Variants in FSHR observed in about 807,000 individuals in gnomAD.
The protein encoded by FSHR is follicle stimulating hormone receptor, also known as follicle-stimulating hormone receptor.
In FSHR, 46 loss-of-function variants were observed where a neutral mutation model predicts 52.1. The ratio of observed to expected loss-of-function variants is 0.88; its 90% CI spans 0.70 to 1.13. The LOEUF is 1.13. FSHR is among the 50% of genes most tolerant of loss of function. The probability of loss-of-function intolerance (pLI) is 0.00; values close to 1 mark genes in which losing one functional copy is unlikely to be tolerated. For missense variants in FSHR, 964 were observed against 834.6 expected, an observed-to-expected ratio of 1.16 and a Z score of -1.91; for synonymous variants, 399 against 309.6, an observed-to-expected ratio of 1.29 and a Z score of -3.03.
intron 2 of FSHR, among the ~76,000 whole-genome samples, chr2:49,024,846 C>T (rs1176479407): frequency 6.6e-6 from 1 of 152,162 alleles, no homozygotes; most frequent in African/African-American, 2.4e-5. Flanking sequence ...AAACTAAATT[C>T]AGTTGACTGT....
chr2:49,093,950 T>C (rs181701274), intron 1 of FSHR, among the ~76,000 whole-genome samples: 2 of 152,294 alleles, frequency 1.3e-5, no homozygotes, highest in Admixed American at 6.5e-5. Context: ...TAGCACATAG[T>C]TGAATATCTT....
At chr2:49,093,595 C>CCTTTTTTTTTTTTTT (rs1553344384) in intron 1 of FSHR, among the ~76,000 whole-genome samples, 1 of 132,944 alleles carries the variant, frequency 7.5e-6, no homozygotes. Context: ...TTATATTTAT[C>CCTTTTTTTTTTTTTT]TTTTTTTTTT....
At chr2:48,992,720 G>A (rs548895583) in intron 4 of FSHR, among the ~76,000 whole-genome samples, 1 of 152,062 alleles carries the variant, frequency 6.6e-6, no homozygotes, top group Admixed American at 6.6e-5. Context: ...CATCTAGAAT[G>A]CAACTTTTGG....
At chr2:49,013,288 G>A (rs909673971) in intron 4 of FSHR, among the ~76,000 whole-genome samples, 1 of 151,304 alleles carries the variant, frequency 6.6e-6, no homozygotes, top group Admixed American at 6.6e-5. Context: ...CTTAGCGTAT[G>A]GTATTTTGTT....
At position 48,973,948 on chromosome 2, in the gene FSHR, G is replaced by A. The variant is rs565633002; in HGVS notation, c.669-5065C>T. Among the ~76,000 whole-genome samples, 25 of 139,040 alleles carry A rather than the reference G, an allele frequency of 1.8e-4. No individual in the cohort carries two copies. In the South Asian group the frequency reaches 5.2e-3, roughly 29 times the overall value. 91.2% of individuals were successfully genotyped at this position (139,040 alleles called of 152,430 possible). A position where few individuals can be genotyped will look rare whatever the true frequency, so the allele number is the denominator to read the frequency against. ...AAGTGCCCTGAGAGCAGGCTTTTGT[G>A]TTCTGTATCATTTCTGGCATAGATT... On this transcript the variant is annotated intron_variant, in intron 8 of 9. Coordinates refer to ENST00000406846, the MANE Select transcript of FSHR (RefSeq NM_000145.4).
intron 9 of FSHR, among the ~76,000 whole-genome samples, chr2:48,966,801 T>A (rs527247523): frequency 3.3e-5 from 5 of 152,252 alleles, no homozygotes; most frequent in Non-Finnish European, 7.3e-5. Flanking sequence ...CAATTTTTGT[T>A]ACTCCATTTT....
intron 2 of FSHR, among the ~76,000 whole-genome samples, chr2:49,033,069 C>G (rs1198319502): frequency 6.6e-6 from 1 of 152,114 alleles, no homozygotes; most frequent in South Asian, 2.1e-4. Flanking sequence ...CAATTTTCCC[C>G]CTTTTAGGAT....
At chr2:49,125,554 GC>G (rs1671965434) in intron 1 of FSHR, among the ~76,000 whole-genome samples, 1 of 152,174 alleles carries the variant, frequency 6.6e-6, no homozygotes, top group African/African-American at 2.4e-5. Context: ...TCTGTTCTCT[GC>G]TGCATCTCCA....
intron 1 of FSHR, among the ~76,000 whole-genome samples, chr2:49,100,116 A>G (rs1347670643): frequency 1.3e-5 from 2 of 152,178 alleles, no homozygotes; most frequent in East Asian, 3.9e-4. Context: ...AACCTATTAC[A>G]TAGGTACTAT....
At position 49,066,166 on chromosome 2, in the gene FSHR, A is replaced by G. The variant is rs530201489; in HGVS notation, c.224+2053T>C. Among the ~76,000 whole-genome samples, 4 of 152,254 alleles carry G rather than the reference A, an allele frequency of 2.6e-5. No individual in the cohort carries two copies. The East Asian group carries it at 5.8e-4, about 22-fold the overall frequency. The stretch of plus-strand genomic sequence containing the variant: ...ACACAGTGGTCTTGATGGGGAAGAG[A>G]GAAGAAGGGAGCAGAATAGGAAGGT... On this transcript the variant is annotated intron_variant, in intron 2 of 9. Transcript: ENST00000406846.
At chr2:49,061,783 T>TTCATATATAACTATATAGTTATATATAG (rs1558418415) in intron 2 of FSHR, among the ~76,000 whole-genome samples, 255 of 141,974 alleles carry the variant, frequency 1.8e-3, no homozygotes, top group South Asian at 4.1e-3. Context: ...ACTCTATATA[T>TTCATATATAACTATATAGTTATATATAG]TCATATATAA....
At chr2:48,979,308 G>C (rs755219357) in intron 8 of FSHR, among the ~76,000 whole-genome samples, 2 of 152,130 alleles carry the variant, frequency 1.3e-5, no homozygotes, top group Non-Finnish European at 2.9e-5. Context: ...AGGTGTGGTG[G>C]TGCACGCTTG....
chr2:49,084,044 T>A (rs1031373854), intron 1 of FSHR, among the ~76,000 whole-genome samples: 1 of 151,294 alleles, frequency 6.6e-6, no homozygotes, highest in African/African-American at 2.4e-5. Flanking sequence ...GAATATACAT[T>A]TTTTTCAGCA....
At chr2:49,115,891 C>G (rs1330424117) in intron 1 of FSHR, among the ~76,000 whole-genome samples, 1 of 152,086 alleles carries the variant, frequency 6.6e-6, no homozygotes, top group Admixed American at 6.6e-5. Flanking sequence ...ATGTGCATGA[C>G]ATAAGTGAAG....
chr2:49,150,986 G>A (rs1206586990), intron 1 of FSHR, among the ~76,000 whole-genome samples: 2 of 151,938 alleles, frequency 1.3e-5, no homozygotes, highest in African/African-American at 4.8e-5. Context: ...TCAAATTTCT[G>A]TGTTCATAAA....
intron 4 of FSHR, among the ~76,000 whole-genome samples, chr2:49,000,817 G>T (rs534931570): frequency 4.6e-5 from 7 of 152,214 alleles, no homozygotes; most frequent in African/African-American, 1.7e-4. Flanking sequence ...AGTGACCAGT[G>T]TCTGAATTTG....
chr2:49,037,657 A>G (rs1668315333), intron 2 of FSHR, among the ~76,000 whole-genome samples: 2 of 152,226 alleles, frequency 1.3e-5, no homozygotes, highest in Admixed American at 6.5e-5. Context: ...TAAACACTCA[A>G]TAAGTGGACT....
In FSHR at chr2:48,963,852, G is replaced by A. The variant is rs1674352242; in HGVS notation, c.969C>T (p.Ser323=). The change falls in exon 10 of 10, where the codon AGC becomes AGT. Residue 323 remains serine, a synonymous_variant. Coordinates refer to ENST00000406846, the MANE Select transcript of FSHR (RefSeq NM_000145.4). ...SLAEDNESSY[S]RGFDMTYTEF... is the part of the protein sequence containing the mutation. ...CAGTGTACGTCATGTCAAATCCTCT[G>A]CTGTAGCTGGACTCATTGTCTTCTG... 6.2e-7 allele frequency: 1 copy of A among 1,614,118 alleles called. No individual in the cohort carries two copies. The highest frequency in any genetic ancestry group is 8.5e-7 in the Non-Finnish European group (1 of 1,179,998).
chr2:49,113,352 C>T (rs72822046), intron 1 of FSHR, among the ~76,000 whole-genome samples: 2,603 of 152,218 alleles, frequency 0.017, 41 homozygotes, highest in Middle Eastern at 0.027. Flanking sequence ...AGGCTGAGCC[C>T]TAAAAAAGCT....
Sources: gnomAD v4.1 joint callset for allele counts (sites outside exome capture counted in the v4.1 genomes callset) on GRCh38, gnomAD v4.1.1 for gene constraint, MANE v1.5 for transcripts, NCBI Gene and HGNC (gene_info 2026-07-23, HGNC 2026-07-21) for gene names.